The following CCR3 variants were observed in gnomAD, a reference collection of about 807,000 sequenced individuals.
The protein encoded by CCR3 is C-C chemokine receptor type 3.
For missense variants in CCR3, 419 were observed against 437.5 expected (o/e 0.96, Z 0.38); for synonymous variants, 203 against 179.2 (o/e 1.13, Z -1.06).
chr3:46,243,947 A>G (rs1028588059), intron 1 of CCR3, among the ~76,000 whole-genome samples: 5 of 152,150 alleles, frequency 3.3e-5, no homozygotes, highest in Non-Finnish European at 7.4e-5. Flanking sequence ...TTGGCCAAGT[A>G]ATTTTTTCTT....
chr3:46,242,259 T>C (rs1487596895), upstream of CCR3: 1 of 152,108 alleles, frequency 6.6e-6, no homozygotes, highest in African/African-American at 2.4e-5. Context: ...GTGGTGTCAA[T>C]CATGAAAAAG....
chr3:46,226,618 TTTCCAATCTGTA>T (rs1182620994), intron 2 of CCR3, among the ~76,000 whole-genome samples: 1 of 152,206 alleles, frequency 6.6e-6, no homozygotes, highest in Admixed American at 6.5e-5. Flanking sequence ...TATTTCCTCC[TTTCCAATCTGTA>T]TGCCTTTTAT....
At chr3:46,240,744 C>T (rs1700072396), upstream of CCR3, among the ~76,000 whole-genome samples, 1 of 152,132 alleles carries the variant, frequency 6.6e-6, no homozygotes. Flanking sequence ...AATTTATTTG[C>T]TCCTCACACA....
chr3:46,254,369 G>C (rs1009965551), intron 1 of CCR3, among the ~76,000 whole-genome samples: 4 of 152,228 alleles, frequency 2.6e-5, no homozygotes, highest in African/African-American at 9.6e-5. Context: ...CAAAAGAACA[G>C]TTTGGGAGTG....
At chr3:46,229,125 G>A (rs1699934323) in intron 2 of CCR3, among the ~76,000 whole-genome samples, 1 of 152,166 alleles carries the variant, frequency 6.6e-6, no homozygotes, top group African/African-American at 2.4e-5. Context: ...TGCAGCCAAT[G>A]GGATATAGAT....
intron 1 of CCR3, among the ~76,000 whole-genome samples, chr3:46,261,112 AG>A (rs1700518316): frequency 6.6e-6 from 1 of 152,202 alleles, no homozygotes; most frequent in Non-Finnish European, 1.5e-5. Context: ...TCACATTCCC[AG>A]GTATAAAACC....
chr3:46,260,823 A>G (rs1218497781), intron 1 of CCR3, among the ~76,000 whole-genome samples: 3 of 152,202 alleles, frequency 2.0e-5, no homozygotes, highest in Non-Finnish European at 2.9e-5. Context: ...CACTTTCATT[A>G]CTCTTATCAA....
chr3:46,266,441 A>G lies in CCR3; in HGVS notation c.*215A>G. 2.2e-6 allele frequency: 1 copy of G among 454,306 alleles called. No homozygotes were observed. The highest frequency in any genetic ancestry group is 3.4e-5 in the East Asian group (1 of 29,250). The allele number at this position is 454,306 out of a possible 1,614,324, so 28.1% of individuals were successfully genotyped here. On this transcript the variant is annotated 3_prime_UTR_variant, in exon 2 of 2. Coordinates refer to ENST00000395940, the MANE Select transcript of CCR3 (RefSeq NM_178329.3). ...GGGCTGGGCAGCGTACTCATCATCAACCCTAAAAAGCAGAGCTTTGCTTCT... is the reference window on the plus strand; with the variant it reads ...GGGCTGGGCAGCGTACTCATCATCAGCCCTAAAAAGCAGAGCTTTGCTTCT...
chr3:46,250,422 C>T (rs187860245), intron 1 of CCR3, among the ~76,000 whole-genome samples: 229 of 151,814 alleles, frequency 1.5e-3, no homozygotes, highest in Non-Finnish European at 2.5e-3. Flanking sequence ...AGGGGACAGG[C>T]GGGAGGGAAA....
chr3:46,219,596 A>G (rs1699812409), intron 2 of CCR3, among the ~76,000 whole-genome samples: 1 of 152,250 alleles, frequency 6.6e-6, no homozygotes, highest in Non-Finnish European at 1.5e-5. Context: ...CTACAAGGCT[A>G]TAGTTACCAA....
At chr3:46,211,836 C>G (rs1052702019) in intron 2 of CCR3, among the ~76,000 whole-genome samples, 39 of 152,138 alleles carry the variant, frequency 2.6e-4, no homozygotes, top group African/African-American at 8.7e-4. Context: ...TCTCCACCAG[C>G]AAGCACCTGG....
At chr3:46,239,339 A>G (rs1700054856), upstream of CCR3, among the ~76,000 whole-genome samples, 1 of 152,184 alleles carries the variant, frequency 6.6e-6, no homozygotes, top group Non-Finnish European at 1.5e-5. Context: ...GAAATACTAT[A>G]ATTTGTTGAT....
upstream of CCR3, among the ~76,000 whole-genome samples, chr3:46,239,054 C>T (rs185735064): frequency 1.1e-3 from 170 of 152,206 alleles, 2 homozygotes; most frequent in Admixed American, 8.8e-3. Flanking sequence ...AATTTGTTGA[C>T]CTGTACCCTT....
chr3:46,255,185 T>C (rs1700396518), intron 1 of CCR3, among the ~76,000 whole-genome samples: 1 of 152,156 alleles, frequency 6.6e-6, no homozygotes, highest in Non-Finnish European at 1.5e-5. Context: ...TGGCTATTTG[T>C]ATATCTTCTT....
At chr3:46,241,110 T>G (rs1700076799), upstream of CCR3, among the ~76,000 whole-genome samples, 3 of 151,302 alleles carry the variant, frequency 2.0e-5, no homozygotes, top group South Asian at 6.2e-4. Context: ...TTTCTTCTCT[T>G]TCTCTCAAAT....
chr3:46,248,163 G>A (rs1700233562), intron 1 of CCR3, among the ~76,000 whole-genome samples: 1 of 152,132 alleles, frequency 6.6e-6, no homozygotes, highest in Admixed American at 6.5e-5. Context: ...GTCAGGTGTG[G>A]TTTCTGGAAT....
intron 2 of CCR3, among the ~76,000 whole-genome samples, chr3:46,232,522 G>A (rs1487454270): frequency 6.6e-6 from 1 of 152,216 alleles, no homozygotes; most frequent in African/African-American, 2.4e-5. Context: ...TAGGGATTGG[G>A]CCTGCCTCAG....
chr3:46,243,021 T>C (rs1472372939), intron 1 of CCR3, among the ~76,000 whole-genome samples: 1 of 63,400 alleles, frequency 1.6e-5, no homozygotes, highest in Non-Finnish European at 2.8e-5. Flanking sequence ...ACACATACAT[T>C]TTTATATATA....
chr3:46,233,094 G>A (rs369554897), intron 2 of CCR3, among the ~76,000 whole-genome samples: 5 of 152,248 alleles, frequency 3.3e-5, no homozygotes, highest in African/African-American at 1.2e-4. Flanking sequence ...GCCTCCCAAA[G>A]TGCTGGGATT....
Sources: gnomAD v4.1 joint callset for allele counts (sites outside exome capture counted in the v4.1 genomes callset) on GRCh38, gnomAD v4.1.1 for gene constraint, MANE v1.5 for transcripts, NCBI Gene and HGNC (gene_info 2026-07-23, HGNC 2026-07-21) for gene names.